The following AGAP1 variants were observed in gnomAD, a reference collection of about 807,000 sequenced individuals.
AGAP1 encodes the protein ArfGAP with GTPase domain, ankyrin repeat and PH domain 1, also known as arf-GAP with GTPase, ANK repeat and PH domain-containing protein 1.
Under a neutral mutation model 105.3 loss-of-function variants are expected in AGAP1, and 29 were observed. The ratio of observed to expected loss-of-function variants is 0.28; its 90% CI spans 0.21 to 0.38. The LOEUF is 0.38. Among genes scored for constraint, AGAP1 ranks in the 10% least tolerant of loss-of-function variants. AGAP1 has a pLI of 1.00. For synonymous variants in AGAP1, 509 were observed against 485.9 expected (o/e 1.05, Z -0.63); for missense variants, 998 against 1,165.1 (o/e 0.86, Z 2.09).
intron 5 of AGAP1, among the ~76,000 whole-genome samples, chr2:235,746,209 T>TG (rs1254729771): frequency 6.6e-6 from 1 of 150,576 alleles, no homozygotes; most frequent in African/African-American, 2.4e-5. Flanking sequence ...CTTTTGAATC[T>TG]GGGGAGATGG....
At chr2:236,064,785 G>A (rs1402445813) in intron 16 of AGAP1, among the ~76,000 whole-genome samples, 9 of 152,152 alleles carry the variant, frequency 5.9e-5, no homozygotes, top group South Asian at 2.1e-4. Context: ...AGAATTCTTT[G>A]GGGGTGTGGA....
In AGAP1 at chr2:236,045,771, G is replaced by A. The variant is rs2057698157; in HGVS notation, c.1892-3288G>A. ...CCTTAAGGCATCTTTCAAGGAAATT[G>A]CAGTGGTGATGCTTAGATACCAACC... On this transcript the variant is annotated intron_variant, in intron 15 of 17. Transcript: ENST00000304032. This position sits in a 1 kb window ranked among gnomAD's most constrained non-coding sequence, Gnocchi z 6.9. 6.6e-6 allele frequency among the ~76,000 whole-genome samples: 1 copy of A among 152,246 alleles called. No homozygotes were observed. The highest frequency in any genetic ancestry group is 1.5e-5 in the Non-Finnish European group (1 of 68,050).
At chr2:235,852,094 C>G (rs1441013634) in intron 9 of AGAP1, among the ~76,000 whole-genome samples, 1 of 152,128 alleles carries the variant, frequency 6.6e-6, no homozygotes, top group African/African-American at 2.4e-5. Flanking sequence ...CAGGCCTGTC[C>G]AGAATTTAGG....
chr2:235,776,706 A>G (rs1027636194), intron 6 of AGAP1, among the ~76,000 whole-genome samples: 3 of 152,174 alleles, frequency 2.0e-5, no homozygotes, highest in African/African-American at 7.2e-5. Context: ...TATGCCCTGC[A>G]GGGAGCGGAG....
intron 1 of AGAP1, among the ~76,000 whole-genome samples, chr2:235,502,711 T>TC (rs1553552331): frequency 4.6e-5 from 7 of 151,392 alleles, no homozygotes; most frequent in African/African-American, 1.7e-4. Context: ...TTTTTTTTTT[T>TC]TTTTTTTTTT....
In AGAP1 at chr2:235,760,486, T is replaced by G. The variant is rs147679504; in HGVS notation, c.673+9998T>G. ...AATTTGAGAATGTGCTTGAGGTGAT[T>G]ATCCTTAAATCATCCAAGTGTTTTT... On this transcript the variant is annotated intron_variant, in intron 6 of 17. Coordinates refer to ENST00000304032, the MANE Select transcript of AGAP1 (RefSeq NM_001037131.3). 5.9e-5 allele frequency among the ~76,000 whole-genome samples: 9 copies of G among 152,396 alleles called. No homozygotes were observed. The East Asian group carries it at 1.7e-3, about 29-fold the overall frequency.
At chr2:235,530,993 C>T (rs1286728525) in intron 1 of AGAP1, among the ~76,000 whole-genome samples, 1 of 152,194 alleles carries the variant, frequency 6.6e-6, no homozygotes, top group South Asian at 2.1e-4. Flanking sequence ...ACTGGCCAAC[C>T]CAAAGGCTCT....
intron 6 of AGAP1, among the ~76,000 whole-genome samples, chr2:235,766,979 T>A (rs1257209067): frequency 6.6e-6 from 1 of 150,498 alleles, no homozygotes; most frequent in East Asian, 2.0e-4. Context: ...AGTGGTATGA[T>A]CTTGGCTCAC....
chr2:235,678,653 C>G (rs1948887935), intron 1 of AGAP1, among the ~76,000 whole-genome samples: 1 of 152,154 alleles, frequency 6.6e-6, no homozygotes, highest in Admixed American at 6.5e-5. Flanking sequence ...CTGGTCTTCT[C>G]TCAGGGGGTA....
chr2:235,835,984 T>C (rs6752633), intron 9 of AGAP1, among the ~76,000 whole-genome samples: 1 of 152,332 alleles, frequency 6.6e-6, no homozygotes, highest in East Asian at 1.9e-4. Flanking sequence ...TAAATTCATT[T>C]AGATTTATAA....
In AGAP1 at chr2:235,714,642, T is replaced by TG. The variant is rs1951007921; in HGVS notation, c.223-2912dup. On this transcript the variant is annotated intron_variant, in intron 2 of 17. Transcript: ENST00000304032. This position sits in a 1 kb window ranked among gnomAD's most constrained non-coding sequence, Gnocchi z 4.1. ...GCCACTCTGGCTGATGAGTAGAGAG[T>TG]GGGAGCGGCCAGGACTGGGTGACAG... Among the ~76,000 whole-genome samples, 1 of 151,208 alleles carries TG rather than the reference T, an allele frequency of 6.6e-6. No individual in the cohort carries two copies. Among genetic ancestry groups the TG allele is most frequent in the South Asian group, 2.1e-4 (1 of 4,766 alleles).
At position 236,051,661 on chromosome 2, in the gene AGAP1, G is replaced by C. The variant is rs1380376011; in HGVS notation, c.2114+2380G>C. 2.6e-5 allele frequency among the ~76,000 whole-genome samples: 4 copies of C among 152,198 alleles called. No homozygotes were observed. The highest frequency in any genetic ancestry group is 2.6e-4 in the Admixed American group (4 of 15,282). ...GAGGCCCAAAGAGCAGAAGCAGGAAGGGCCTCTGAGCCAGGGCTGGCACCT... is the reference window on the plus strand; with the variant it reads ...GAGGCCCAAAGAGCAGAAGCAGGAACGGCCTCTGAGCCAGGGCTGGCACCT... On this transcript the variant is annotated intron_variant, in intron 16 of 17. Coordinates refer to ENST00000304032, the MANE Select transcript of AGAP1 (RefSeq NM_001037131.3). The surrounding 1 kb of genome is among the most constrained non-coding windows in gnomAD (Gnocchi z 5.9).
Position 235,887,146 on chromosome 2 carries a change from A to G in AGAP1, c.1155+3697A>G, listed in dbSNP as rs902385340. 3.9e-5 allele frequency among the ~76,000 whole-genome samples: 6 copies of G among 152,180 alleles called. No homozygotes were observed. The highest frequency in any genetic ancestry group is 1.4e-4 in the African/African-American group (6 of 41,446). On this transcript the variant is annotated intron_variant, in intron 10 of 17. Transcript: ENST00000304032. This position sits in a 1 kb window ranked among gnomAD's most constrained non-coding sequence, Gnocchi z 4.1. ...CGTAGAACCAGATGATCTCAGTTAA[A>G]CACGGACCATGCTGTGACACCCACA...
intron 1 of AGAP1, among the ~76,000 whole-genome samples, chr2:235,616,090 C>A (rs1217909624): frequency 3.9e-5 from 6 of 152,156 alleles, no homozygotes; most frequent in African/African-American, 4.8e-5. Flanking sequence ...GGGCCGGATG[C>A]AGTGGCTCAA....
rs1955242697 is a variant in AGAP1, at chr2:235,769,474, G to A, written c.673+18986G>A. Among the ~76,000 whole-genome samples the A allele has an allele frequency of 6.6e-6, 1 of 152,244 alleles. No individual in the cohort carries two copies. Among genetic ancestry groups the A allele is most frequent in the African/African-American group, 2.4e-5 (1 of 41,470 alleles). On this transcript the variant is annotated intron_variant, in intron 6 of 17. Coordinates refer to ENST00000304032, the MANE Select transcript of AGAP1 (RefSeq NM_001037131.3). This position sits in a 1 kb window ranked among gnomAD's most constrained non-coding sequence, Gnocchi z 4.4. Reference sequence around the variant, plus strand: ...AATTGGAGTTTTGCGAGGAGATGGTGACAAGCCTCACTCAGGTCTTTGGTT... The same window carrying A: ...AATTGGAGTTTTGCGAGGAGATGGTAACAAGCCTCACTCAGGTCTTTGGTT...
intron 1 of AGAP1, among the ~76,000 whole-genome samples, chr2:235,648,835 C>T (rs1947483038): frequency 6.6e-6 from 1 of 151,384 alleles, no homozygotes; most frequent in Non-Finnish European, 1.5e-5. Flanking sequence ...TGCAGTGCGC[C>T]GAGATCGCAC....
At chr2:235,616,660 TC>T (rs1400594067) in intron 1 of AGAP1, among the ~76,000 whole-genome samples, 1 of 152,220 alleles carries the variant, frequency 6.6e-6, no homozygotes, top group Non-Finnish European at 1.5e-5. Flanking sequence ...GTTTCTGGCT[TC>T]CTGCCCCACC....
chr2:236,052,828 A>G (rs943714202), intron 16 of AGAP1, among the ~76,000 whole-genome samples: 1 of 152,188 alleles, frequency 6.6e-6, no homozygotes, highest in Non-Finnish European at 1.5e-5. Flanking sequence ...AAACAGAGCA[A>G]TGCTACAACA....
At chr2:235,935,433 CTAAG>C (rs1429643987) in intron 12 of AGAP1, among the ~76,000 whole-genome samples, 2 of 152,230 alleles carry the variant, frequency 1.3e-5, no homozygotes, top group Non-Finnish European at 2.9e-5. Flanking sequence ...TCCCACTCTT[CTAAG>C]TGTTTGACAG....
Sources: allele counts gnomAD v4.1 joint callset (sites outside exome capture counted in the v4.1 genomes callset), GRCh38; gene constraint gnomAD v4.1.1; non-coding constraint Gnocchi (gnomAD v3.1); transcripts MANE v1.5; gene names NCBI Gene and HGNC (gene_info 2026-07-23, HGNC 2026-07-21).